Variants in MAGI2 observed in about 807,000 individuals in gnomAD.
MAGI2 encodes membrane-associated guanylate kinase, WW and PDZ domain-containing protein 2.
In MAGI2, 35 loss-of-function variants were observed where a neutral mutation model predicts 133.3. The observed-to-expected ratio is 0.26, with a 90% CI of 0.20 to 0.35. The LOEUF is 0.35. Ranked by LOEUF, MAGI2 falls within the 10% of genes least tolerant of loss-of-function variation. The pLI is 1.00. For synonymous variants in MAGI2, 729 were observed against 710.6 expected (o/e 1.03, Z -0.41); for missense variants, 1,636 against 1,863.4 (o/e 0.88, Z 2.25).
At position 78,293,202 on chromosome 7, in the gene MAGI2, A is replaced by T. The variant is rs370301031; in HGVS notation, c.1409-36621T>A. On this transcript the variant is annotated intron_variant, in intron 9 of 21. Transcript: ENST00000354212. Reference sequence around the variant, plus strand: ...TCTACCCATCTGACAAAGGCCTAATATCCAGAATCTACAAAGAACTTAAAC... The same window carrying T: ...TCTACCCATCTGACAAAGGCCTAATTTCCAGAATCTACAAAGAACTTAAAC... Among the ~76,000 whole-genome samples, 16 of 152,364 alleles carry T rather than the reference A, an allele frequency of 1.1e-4. No individual in the cohort carries two copies. In the East Asian group the frequency reaches 2.7e-3, roughly 26 times the overall value.
intron 15 of MAGI2, among the ~76,000 whole-genome samples, chr7:78,164,368 G>A (rs1825410399): frequency 6.6e-6 from 1 of 152,220 alleles, no homozygotes; most frequent in Non-Finnish European, 1.5e-5. Flanking sequence ...GGTCATGTGG[G>A]CTGTGATGTC....
chr7:78,511,500 A>G (rs1244377007), intron 4 of MAGI2, among the ~76,000 whole-genome samples: 1 of 148,502 alleles, frequency 6.7e-6, no homozygotes, highest in Non-Finnish European at 1.5e-5. Flanking sequence ...ATATTTGCAC[A>G]TTGTATAGTG....
chr7:79,119,771 G>A (rs532887602), intron 1 of MAGI2, among the ~76,000 whole-genome samples: 1 of 152,092 alleles, frequency 6.6e-6, no homozygotes, highest in South Asian at 2.1e-4. Context: ...AGAAAGAAGA[G>A]AACTTGGCTC....
chr7:78,694,274 C>A (rs907372004), intron 2 of MAGI2, among the ~76,000 whole-genome samples: 2 of 152,138 alleles, frequency 1.3e-5, no homozygotes, highest in African/African-American at 4.8e-5. Context: ...TAGTTCTTTT[C>A]AGCCAAATTA....
chr7:79,045,991 G>GT (rs1158907624), intron 1 of MAGI2, among the ~76,000 whole-genome samples: 1 of 152,118 alleles, frequency 6.6e-6, no homozygotes, highest in Admixed American at 6.6e-5. Flanking sequence ...CTATAATAGC[G>GT]TAAGTTGTAA....
intron 1 of MAGI2, chr7:79,343,304 T>C (rs1025405604): frequency 3.9e-5 from 6 of 152,132 alleles, no homozygotes; most frequent in African/African-American, 1.4e-4. Flanking sequence ...GTGTCATCCT[T>C]GCACAAGGGC....
chr7:78,824,227 T>C (rs1212569297), intron 2 of MAGI2, among the ~76,000 whole-genome samples: 1 of 152,124 alleles, frequency 6.6e-6, no homozygotes, highest in Non-Finnish European at 1.5e-5. Flanking sequence ...AAAGAGAAGA[T>C]AAAAGTGATG....
intron 6 of MAGI2, among the ~76,000 whole-genome samples, chr7:78,389,002 T>G (rs761961500): frequency 1.3e-5 from 2 of 152,208 alleles, no homozygotes; most frequent in Non-Finnish European, 2.9e-5. Flanking sequence ...CAAAGATCAA[T>G]CAGTTATTGT....
At chr7:79,408,692 G>A (rs1312395823) in intron 1 of MAGI2, among the ~76,000 whole-genome samples, 1 of 152,032 alleles carries the variant, frequency 6.6e-6, no homozygotes, top group African/African-American at 2.4e-5. Context: ...AAGTTAAATG[G>A]AAATCTGTGG....
intron 4 of MAGI2, among the ~76,000 whole-genome samples, chr7:78,503,454 G>C (rs574387740): frequency 3.3e-5 from 5 of 151,754 alleles, no homozygotes; most frequent in Admixed American, 6.6e-5. Context: ...CTGGATCATG[G>C]GGAAGGCTTC....
intron 21 of MAGI2, among the ~76,000 whole-genome samples, chr7:78,057,728 A>T (rs1443328057): frequency 1.3e-5 from 2 of 151,890 alleles, no homozygotes. Context: ...AGAGATTGGG[A>T]CATGGTTTCA....
In MAGI2 at chr7:78,570,709, C is replaced by T. The variant is rs114204149; in HGVS notation, c.539-49064G>A. On this transcript the variant is annotated intron_variant, in intron 3 of 21. Transcript: ENST00000354212. ...TTGCTCAGTGATTACCAGGAATATC[C>T]GTAATCCTTAAAAATTGCTCCAACT... Among the ~76,000 whole-genome samples the T allele has an allele frequency of 6.7e-3, 1,024 of 152,148 alleles. 10 individuals are homozygous for T. Among genetic ancestry groups the T allele is most frequent in the African/African-American group, 0.024 (983 of 41,514 alleles).
At chr7:78,748,031 T>A (rs185446565) in intron 2 of MAGI2, among the ~76,000 whole-genome samples, 1 of 152,296 alleles carries the variant, frequency 6.6e-6, no homozygotes, top group African/African-American at 2.4e-5. Context: ...CATAATTCTA[T>A]CAGAGTTATA....
chr7:79,080,571 A>G (rs747206748), intron 1 of MAGI2, among the ~76,000 whole-genome samples: 3 of 152,074 alleles, frequency 2.0e-5, no homozygotes, highest in Non-Finnish European at 2.9e-5. Context: ...TATGTACAGA[A>G]TATCTTCTCT....
At chr7:79,317,113 C>T (rs2129561261) in intron 1 of MAGI2, among the ~76,000 whole-genome samples, 1 of 149,620 alleles carries the variant, frequency 6.7e-6, no homozygotes, top group African/African-American at 2.5e-5. Context: ...ACTTCTGCCT[C>T]CCCGGTTCAA....
chr7:78,594,659 T>C (rs993581544), intron 3 of MAGI2, among the ~76,000 whole-genome samples: 33 of 152,192 alleles, frequency 2.2e-4, no homozygotes, highest in Admixed American at 2.1e-3. Context: ...GGTTTCACCA[T>C]GTTGGCCAGG....
chr7:78,072,969 T>C (rs1238411722), intron 21 of MAGI2: 1 of 398,648 alleles, frequency 2.5e-6, no homozygotes, highest in African/African-American at 2.1e-5. Context: ...GCAATATATG[T>C]TCTTAAAGAA....
intron 1 of MAGI2, among the ~76,000 whole-genome samples, chr7:79,200,510 C>T (rs1446023633): frequency 6.6e-6 from 1 of 150,864 alleles, no homozygotes; most frequent in East Asian, 1.9e-4. Flanking sequence ...ACTTGGGGGG[C>T]TGAGGTGGGA....
intron 1 of MAGI2, among the ~76,000 whole-genome samples, chr7:79,172,286 T>G (rs1825693357): frequency 6.6e-6 from 1 of 152,088 alleles, no homozygotes; most frequent in African/African-American, 2.4e-5. Context: ...CTCTTGGTAT[T>G]TATTGATTTT....
Sources: allele counts gnomAD v4.1 joint callset (sites outside exome capture counted in the v4.1 genomes callset), GRCh38; gene constraint gnomAD v4.1.1; transcripts MANE v1.5; gene names NCBI Gene and HGNC (gene_info 2026-07-23, HGNC 2026-07-21).